DPP6: variants seen among roughly 807,000 people sequenced by gnomAD.
DPP6 encodes the protein A-type potassium channel modulatory protein DPP6.
In DPP6, 69 loss-of-function variants were observed where a neutral mutation model predicts 122.6. That is an observed-to-expected ratio of 0.56 (90% CI 0.46 to 0.69). The LOEUF is 0.69. DPP6 is among the 30% of genes least tolerant of loss of function. The pLI, the probability that DPP6 is intolerant of heterozygous loss-of-function variation, is 0.00. For missense variants in DPP6, 928 were observed against 1,116.9 expected (o/e 0.83, Z 2.41); for synonymous variants, 418 against 433.1 (o/e 0.97, Z 0.43).
intron 1 of DPP6, among the ~76,000 whole-genome samples, chr7:154,295,894 G>T (rs994731842): frequency 3.3e-5 from 5 of 150,876 alleles, no homozygotes; most frequent in African/African-American, 1.2e-4. Flanking sequence ...GTTGCTCTGT[G>T]TACACATAAT....
chr7:153,959,640 G>A (rs555105670), intron 1 of DPP6, among the ~76,000 whole-genome samples: 1 of 152,354 alleles, frequency 6.6e-6, no homozygotes, highest in Non-Finnish European at 1.5e-5. Context: ...AGCCTCCATA[G>A]AATTGAATTG....
At chr7:154,756,870 C>T (rs896824309) in intron 8 of DPP6, among the ~76,000 whole-genome samples, 3 of 152,148 alleles carry the variant, frequency 2.0e-5, no homozygotes, top group African/African-American at 4.8e-5. Context: ...CTCCATCCCT[C>T]ACGGCCCCCG....
intron 3 of DPP6, among the ~76,000 whole-genome samples, chr7:154,506,957 C>T (rs1825713104): frequency 6.6e-6 from 1 of 152,128 alleles, no homozygotes; most frequent in Non-Finnish European, 1.5e-5. Flanking sequence ...AGAAAGTTTT[C>T]CGAGAGCCTG....
intron 1 of DPP6, among the ~76,000 whole-genome samples, chr7:153,896,522 A>T (rs1799421656): frequency 6.6e-6 from 1 of 152,186 alleles, no homozygotes; most frequent in African/African-American, 2.4e-5. Flanking sequence ...TATCTTTAAC[A>T]GGCTGGGCAC....
chr7:154,487,247 C>G (rs1178243912), intron 3 of DPP6, among the ~76,000 whole-genome samples: 1 of 151,982 alleles, frequency 6.6e-6, no homozygotes, highest in Non-Finnish European at 1.5e-5. Flanking sequence ...GTGAGATGTT[C>G]ATGTTTTTTT....
chr7:154,090,851 T>C (rs12539221), intron 1 of DPP6, among the ~76,000 whole-genome samples: 2,121 of 150,142 alleles, frequency 0.014, 23 homozygotes, highest in Non-Finnish European at 0.021. Flanking sequence ...CCGTTTGCGG[T>C]GGCTCATGCC....
At position 154,099,612 on chromosome 7, in the gene DPP6, A is replaced by G. The variant is rs1299719021; in HGVS notation, c.243+46549A>G. 2.7e-5 allele frequency among the ~76,000 whole-genome samples: 4 copies of G among 147,950 alleles called. No homozygotes were observed. The South Asian group carries it at 6.7e-4, about 25-fold the overall frequency. ...AGGAAGAGCATTTTGAGAATACAGA[A>G]TAAGTGCAAAGGCCCTGGGGTGGTC... On this transcript the variant is annotated intron_variant, in intron 1 of 25. Transcript: ENST00000377770.
chr7:154,417,118 G>A (rs773074942), intron 1 of DPP6, among the ~76,000 whole-genome samples: 12 of 152,310 alleles, frequency 7.9e-5, no homozygotes, highest in East Asian at 1.9e-4. Context: ...CTATCACCCA[G>A]GAGGTGAATG....
intron 3 of DPP6, among the ~76,000 whole-genome samples, chr7:154,493,784 CTG>C (rs1237164100): frequency 9.2e-5 from 14 of 152,178 alleles, no homozygotes; most frequent in Non-Finnish European, 2.1e-4. Context: ...ATCGGTCACA[CTG>C]TGATTGCGAA....
At chr7:154,300,527 G>A (rs1276871063) in intron 1 of DPP6, among the ~76,000 whole-genome samples, 1 of 152,240 alleles carries the variant, frequency 6.6e-6, no homozygotes, top group Non-Finnish European at 1.5e-5. Context: ...AGCAGAAGCT[G>A]GAGTAGACAG....
chr7:153,973,056 G>T (rs1167064411), intron 1 of DPP6, among the ~76,000 whole-genome samples: 1 of 151,718 alleles, frequency 6.6e-6, no homozygotes, highest in Non-Finnish European at 1.5e-5. Flanking sequence ...GTTTGAATTA[G>T]TTCATAGAGG....
At chr7:154,829,464 G>GGGAGGAGGGAGGGAAGAAGGACA (rs1800454001) in intron 16 of DPP6, among the ~76,000 whole-genome samples, 1 of 107,398 alleles carries the variant, frequency 9.3e-6, no homozygotes, top group Non-Finnish European at 2.0e-5. Flanking sequence ...GGGGAGGGGA[G>GGGAGGAGGGAGGGAAGAAGGACA]GGAGGAGGGA....
intron 2 of DPP6, among the ~76,000 whole-genome samples, chr7:154,451,193 T>C (rs192965818): frequency 3.3e-5 from 5 of 151,986 alleles, no homozygotes; most frequent in African/African-American, 9.7e-5. Context: ...AAACCCCATC[T>C]CTACTAAAAA....
chr7:153,964,659 C>T (rs549817591), intron 1 of DPP6, among the ~76,000 whole-genome samples: 2 of 152,280 alleles, frequency 1.3e-5, no homozygotes, highest in South Asian at 4.2e-4. Flanking sequence ...CCGGCGCCAA[C>T]ATCCTGTGGT....
chr7:154,736,061 C>A lies in DPP6; in HGVS notation c.883+8174C>A, dbSNP rs1385913327. On this transcript the variant is annotated intron_variant, in intron 8 of 25. Transcript: ENST00000377770. ...ACCAGGAAACACCAGCACATCCTAACCAGCACCATCTCTCTGTTTCTGCGA... is the reference window on the plus strand; with the variant it reads ...ACCAGGAAACACCAGCACATCCTAAACAGCACCATCTCTCTGTTTCTGCGA... Among the ~76,000 whole-genome samples the A allele has an allele frequency of 2.0e-5, 3 of 152,246 alleles. No individual in the cohort carries two copies. The East Asian group carries it at 5.8e-4, about 29-fold the overall frequency.
At chr7:154,790,830 A>G (rs1587148267) in intron 10 of DPP6, among the ~76,000 whole-genome samples, 1 of 108,284 alleles carries the variant, frequency 9.2e-6, no homozygotes, top group African/African-American at 3.8e-5. Flanking sequence ...AGGGAGGGAG[A>G]GGAAAGGAAG....
chr7:154,658,027 G>A (rs1164780294), intron 6 of DPP6, among the ~76,000 whole-genome samples: 6 of 152,198 alleles, frequency 3.9e-5, no homozygotes, highest in African/African-American at 1.4e-4. Flanking sequence ...CCAGGGTTTG[G>A]TGGGGTGGGA....
chr7:154,503,902 T>C (rs13239516), intron 3 of DPP6, among the ~76,000 whole-genome samples: 14,989 of 152,216 alleles, frequency 0.098, 764 homozygotes, highest in Middle Eastern at 0.12. Context: ...CCATGGCACA[T>C]GTTTACCCAT....
intron 1 of DPP6, among the ~76,000 whole-genome samples, chr7:154,320,114 A>G (rs1020565660): frequency 6.6e-6 from 1 of 152,032 alleles, no homozygotes; most frequent in Middle Eastern, 3.4e-3. Flanking sequence ...TGATTTTACC[A>G]TGTATTTTAT....
Sources: allele counts gnomAD v4.1 joint callset (sites outside exome capture counted in the v4.1 genomes callset), GRCh38; gene constraint gnomAD v4.1.1; transcripts MANE v1.5; gene names NCBI Gene and HGNC (gene_info 2026-07-23, HGNC 2026-07-21).